PPARGC1A: variants seen among roughly 807,000 people sequenced by gnomAD.
PPARGC1A encodes the protein peroxisome proliferator-activated receptor gamma coactivator 1-alpha.
PPARGC1A carries 25 observed loss-of-function variants against 88.7 expected under a neutral mutation model. That is an observed-to-expected ratio of 0.28 (90% CI 0.21 to 0.39). PPARGC1A has a LOEUF of 0.39. Ranked by LOEUF, PPARGC1A falls within the 10% of genes least tolerant of loss-of-function variation. The probability of loss-of-function intolerance (pLI) is 1.00; values close to 1 mark genes in which losing one functional copy is unlikely to be tolerated. For missense variants in PPARGC1A, 880 were observed against 968.7 expected, an observed-to-expected ratio of 0.91 and a Z score of 1.22; for synonymous variants, 363 against 355.6, an observed-to-expected ratio of 1.02 and a Z score of -0.24.
chr4:24,159,850 C>G, the PPARGC1A span, among the ~76,000 whole-genome samples: 2 of 152,098 alleles, frequency 1.3e-5, no homozygotes, highest in African/African-American at 4.8e-5. Context: ...TATCTGAGCC[C>G]CTATCAAAGG....
At chr4:24,013,284 C>T in the PPARGC1A span, among the ~76,000 whole-genome samples, 1 of 152,056 alleles carries the variant, frequency 6.6e-6, no homozygotes, top group African/African-American at 2.4e-5. Context: ...ATTTCAAATC[C>T]AAGTTCAACG....
At chr4:24,120,046 G>A in the PPARGC1A span, among the ~76,000 whole-genome samples, 1 of 152,288 alleles carries the variant, frequency 6.6e-6, no homozygotes, top group Middle Eastern at 3.4e-3. Context: ...GAATCTTACA[G>A]GCATAAATAA....
the PPARGC1A span, among the ~76,000 whole-genome samples, chr4:24,001,567 CA>C: frequency 1.6e-3 from 245 of 152,256 alleles, 2 homozygotes; most frequent in Admixed American, 2.8e-3. Flanking sequence ...AGGTATATTT[CA>C]AAAGCCAAAC....
chr4:24,371,045 C>T, the PPARGC1A span, among the ~76,000 whole-genome samples: 1 of 152,018 alleles, frequency 6.6e-6, no homozygotes, highest in Non-Finnish European at 1.5e-5. Context: ...GTTTTCCGTT[C>T]CTGTGTTAGT....
At chr4:24,314,639 A>C in the PPARGC1A span, among the ~76,000 whole-genome samples, 1 of 152,234 alleles carries the variant, frequency 6.6e-6, no homozygotes, top group East Asian at 1.9e-4. Context: ...AAGTATGACA[A>C]AATGTTAACA....
chr4:23,880,259 T>C (rs1715662694), intron 2 of PPARGC1A, among the ~76,000 whole-genome samples: 1 of 152,234 alleles, frequency 6.6e-6, no homozygotes, highest in Non-Finnish European at 1.5e-5. Flanking sequence ...CTAATTGTTT[T>C]ACATTTGTTC....
chr4:24,331,801 T>C, the PPARGC1A span, among the ~76,000 whole-genome samples: 2 of 151,288 alleles, frequency 1.3e-5, no homozygotes, highest in Non-Finnish European at 1.5e-5. Flanking sequence ...AGTTCTGGGA[T>C]ACATGTGCAG....
chr4:24,415,056 G>C, the PPARGC1A span, among the ~76,000 whole-genome samples: 2 of 152,048 alleles, frequency 1.3e-5, no homozygotes, highest in Admixed American at 1.3e-4. Flanking sequence ...TGAGTGCAGT[G>C]GCATGCACCT....
chr4:23,905,033 TA>T (rs961468085), upstream of PPARGC1A, among the ~76,000 whole-genome samples: 2 of 152,168 alleles, frequency 1.3e-5, no homozygotes, highest in African/African-American at 4.8e-5. Context: ...TAATTCACAG[TA>T]AGTGGCATGA....
the PPARGC1A span, among the ~76,000 whole-genome samples, chr4:24,437,638 T>TGTTG: frequency 5.4e-5 from 8 of 148,642 alleles, no homozygotes; most frequent in Non-Finnish European, 1.0e-4. Flanking sequence ...TTGTTGTTGT[T>TGTTG]TTAGTTTTGG....
At chr4:24,225,038 G>A in the PPARGC1A span, among the ~76,000 whole-genome samples, 20 of 152,148 alleles carry the variant, frequency 1.3e-4, no homozygotes, top group African/African-American at 4.6e-4. Context: ...CACAGAGAGG[G>A]AGGGGCTGGG....
At chr4:24,256,905 G>A in the PPARGC1A span, among the ~76,000 whole-genome samples, 1 of 152,142 alleles carries the variant, frequency 6.6e-6, no homozygotes, top group African/African-American at 2.4e-5. Context: ...GATATAGACA[G>A]ATAAGAACTT....
chr4:24,036,171 A>T, the PPARGC1A span, among the ~76,000 whole-genome samples: 1 of 152,354 alleles, frequency 6.6e-6, no homozygotes, highest in East Asian at 1.9e-4. Flanking sequence ...GAAAGCATTT[A>T]GATAGAGAAT....
the PPARGC1A span, among the ~76,000 whole-genome samples, chr4:24,266,352 G>C: frequency 6.6e-6 from 1 of 152,108 alleles, no homozygotes; most frequent in South Asian, 2.1e-4. Context: ...CTGTTAGATT[G>C]CTTAGTGATG....
At chr4:24,086,491 G>A in the PPARGC1A span, among the ~76,000 whole-genome samples, 1 of 152,114 alleles carries the variant, frequency 6.6e-6, no homozygotes, top group African/African-American at 2.4e-5. Context: ...CTTCGTTTAA[G>A]AATTAGCTCC....
chr4:23,879,488 C>G (rs942917189), intron 2 of PPARGC1A, among the ~76,000 whole-genome samples: 1 of 152,200 alleles, frequency 6.6e-6, no homozygotes, highest in Non-Finnish European at 1.5e-5. Flanking sequence ...GGAACGATAT[C>G]CACGAGGTTC....
the PPARGC1A span, among the ~76,000 whole-genome samples, chr4:24,366,742 A>G: frequency 3.9e-5 from 6 of 152,122 alleles, no homozygotes; most frequent in African/African-American, 1.4e-4. Flanking sequence ...CATCACCCCC[A>G]TTGTAATGAA....
chr4:23,798,183 TG>T (rs1717989366), intron 12 of PPARGC1A, among the ~76,000 whole-genome samples: 7 of 152,052 alleles, frequency 4.6e-5, no homozygotes, highest in Admixed American at 4.6e-4. Context: ...TGCACCCAGG[TG>T]AAATAAACAG....
chr4:23,925,535 AAG>A, the PPARGC1A span, among the ~76,000 whole-genome samples: 28 of 152,352 alleles, frequency 1.8e-4, no homozygotes, highest in South Asian at 1.4e-3. Context: ...CTCAAAATAA[AAG>A]AGATTGAGGA....
Sources: gnomAD v4.1 joint callset for allele counts (sites outside exome capture counted in the v4.1 genomes callset) on GRCh38, gnomAD v4.1.1 for gene constraint, MANE v1.5 for transcripts, NCBI Gene and HGNC (gene_info 2026-07-23, HGNC 2026-07-21) for gene names.